The following MOB3B variants were observed in gnomAD, a reference collection of about 807,000 sequenced individuals.
MOB3B encodes MOB kinase activator-like 2B.
In MOB3B, 7 loss-of-function variants were observed where a neutral mutation model predicts 18.7. The ratio of observed to expected loss-of-function variants is 0.37; its 90% CI spans 0.21 to 0.70. MOB3B has a LOEUF of 0.70. Among genes scored for constraint, MOB3B ranks in the 30% least tolerant of loss-of-function variants. The pLI, the probability that MOB3B is intolerant of heterozygous loss-of-function variation, is 0.52. For missense variants in MOB3B, 253 were observed against 281.3 expected, an observed-to-expected ratio of 0.90 and a Z score of 0.72; for synonymous variants, 111 against 99.9, an observed-to-expected ratio of 1.11 and a Z score of -0.66.
rs371836530 is a variant in MOB3B at position 27,412,666 on chromosome 9, T to C, written c.418+42467A>G. 8.9e-4 allele frequency among the ~76,000 whole-genome samples: 135 copies of C among 152,358 alleles called. 2 individuals are homozygous for C. The South Asian group carries it at 0.018, about 21-fold the overall frequency. ...ATAAAAAATAAAGCAAACATTCTTA[T>C]TTCTAGTTAGGAAGAGAAAGAAGAC... On this transcript the variant is annotated intron_variant, in intron 2 of 3. Transcript: ENST00000262244.
intron 2 of MOB3B, chr9:27,378,824 A>C (rs1276338307): frequency 5.3e-6 from 2 of 380,068 alleles, no homozygotes; most frequent in African/African-American, 2.1e-5. Context: ...ATTTGAAAGA[A>C]GGTCATTTGG....
At chr9:27,416,655 C>T (rs1285801456) in intron 2 of MOB3B, among the ~76,000 whole-genome samples, 1 of 150,044 alleles carries the variant, frequency 6.7e-6, no homozygotes, top group Non-Finnish European at 1.5e-5. Flanking sequence ...CTCACCCTCC[C>T]AAGTAGCTAG....
chr9:27,334,019 C>T (rs192328630), intron 3 of MOB3B, among the ~76,000 whole-genome samples: 1 of 152,336 alleles, frequency 6.6e-6, no homozygotes, highest in Admixed American at 6.5e-5. Flanking sequence ...ATGCAATTGT[C>T]AGCTCCTTTC....
intron 1 of MOB3B, among the ~76,000 whole-genome samples, chr9:27,517,753 G>T (rs1820260062): frequency 6.7e-6 from 1 of 148,862 alleles, no homozygotes; most frequent in Admixed American, 6.7e-5. Flanking sequence ...ATGCATATCT[G>T]TTCATTCAAT....
At chr9:27,409,024 G>A (rs535069182) in intron 2 of MOB3B, among the ~76,000 whole-genome samples, 3 of 152,160 alleles carry the variant, frequency 2.0e-5, no homozygotes, top group Non-Finnish European at 4.4e-5. Context: ...AGTACCCTGT[G>A]GGTGGTATTG....
At chr9:27,490,423 T>G (rs1372289912) in intron 1 of MOB3B, among the ~76,000 whole-genome samples, 1 of 152,182 alleles carries the variant, frequency 6.6e-6, no homozygotes, top group Non-Finnish European at 1.5e-5. Flanking sequence ...TCCTTGCAGA[T>G]TAAGAAGCAA....
chr9:27,524,585 CAAG>C, intron 1 of MOB3B: 1 of 1,614,108 alleles, frequency 6.2e-7, no homozygotes, highest in East Asian at 2.2e-5. Context: ...AGAGGGACAT[CAAG>C]AAGGCCTTCT....
In MOB3B at chr9:27,328,537, A is replaced by G. The variant is rs545313959; in HGVS notation, c.*2050T>C. On this transcript the variant is annotated 3_prime_UTR_variant, in exon 4 of 4. Coordinates refer to ENST00000262244, the MANE Select transcript of MOB3B (RefSeq NM_024761.5). Reference sequence around the variant, plus strand: ...TGGAAATTTCATATGCACAGTTAATAAAAAATAACCTTAAAAAGAATGAAT... The same window carrying G: ...TGGAAATTTCATATGCACAGTTAATGAAAAATAACCTTAAAAAGAATGAAT... 6.6e-6 allele frequency: 1 copy of G among 152,352 alleles called. No homozygotes were observed. Among genetic ancestry groups the G allele is most frequent in the South Asian group, 2.1e-4 (1 of 4,822 alleles). The allele number at this position is 152,352 out of a possible 1,614,324, so 9.4% of individuals were successfully genotyped here.
intron 1 of MOB3B, among the ~76,000 whole-genome samples, chr9:27,463,856 T>C (rs1469708052): frequency 6.6e-6 from 1 of 151,908 alleles, no homozygotes; most frequent in East Asian, 1.9e-4. Context: ...CTTGGGAGGC[T>C]GAGGTGGGAG....
At position 27,326,620 on chromosome 9, in the gene MOB3B, G is replaced by C. The variant is rs1820715878; in HGVS notation, c.*3967C>G. ...CAAGGAAGTTACTGGCATGGTTTGA[G>C]AGATAGAAGGAATTGATTAAGAAAC... On this transcript the variant is annotated 3_prime_UTR_variant, in exon 4 of 4. Transcript: ENST00000262244. 1 of 398,474 alleles carries C rather than the reference G, an allele frequency of 2.5e-6. No individual in the cohort carries two copies. The highest frequency in any genetic ancestry group is 4.4e-6 in the Non-Finnish European group (1 of 226,000). 24.7% of individuals were successfully genotyped at this position (398,474 alleles called of 1,614,324 possible). A position where few individuals can be genotyped will look rare whatever the true frequency, so the allele number is the denominator to read the frequency against.
At chr9:27,335,041 G>A (rs900679819) in intron 3 of MOB3B, among the ~76,000 whole-genome samples, 7 of 152,110 alleles carry the variant, frequency 4.6e-5, no homozygotes, top group East Asian at 1.9e-4. Context: ...TCCTGACCTC[G>A]TGATCCGCCT....
intron 2 of MOB3B, among the ~76,000 whole-genome samples, chr9:27,402,331 C>A (rs1002220371): frequency 3.9e-5 from 6 of 152,142 alleles, no homozygotes; most frequent in Non-Finnish European, 7.3e-5. Context: ...TCCATGAGAG[C>A]CTGGACTCGG....
At chr9:27,503,577 C>A (rs1321361060) in intron 1 of MOB3B, among the ~76,000 whole-genome samples, 1 of 152,210 alleles carries the variant, frequency 6.6e-6, no homozygotes, top group Non-Finnish European at 1.5e-5. Context: ...GCATACTCTG[C>A]CCCAGATTCT....
rs192406258 is a variant in MOB3B at position 27,508,494 on chromosome 9, A to G, written c.-199+21061T>C. Among the ~76,000 whole-genome samples, 91 of 152,292 alleles carry G rather than the reference A, an allele frequency of 6.0e-4. No homozygotes were observed. The East Asian group carries it at 0.017, about 28-fold the overall frequency. On this transcript the variant is annotated intron_variant, in intron 1 of 3. Coordinates refer to ENST00000262244, the MANE Select transcript of MOB3B (RefSeq NM_024761.5). The stretch of plus-strand genomic sequence containing the variant: ...GGGAACATGGCTGAAGCACTTCCAG[A>G]AAAAATAAACTCAGGGGGCCTACAT...
rs1820761867 is a variant in MOB3B at position 27,329,839 on chromosome 9, C to T, written c.*748G>A. ...GTGGTTATAAAAAATACATTCTGAT[C>T]AGGTGAACTGGTAACTTGTCAGCTT... On this transcript the variant is annotated 3_prime_UTR_variant, in exon 4 of 4. Transcript: ENST00000262244. The T allele has an allele frequency of 6.6e-6, 1 of 152,604 alleles. No homozygotes were observed. The highest frequency in any genetic ancestry group is 2.1e-4 in the South Asian group (1 of 4,826). The allele number at this position is 152,604 out of a possible 1,614,324, so 9.5% of individuals were successfully genotyped here. A position where few individuals can be genotyped will look rare whatever the true frequency, so the allele number is the denominator to read the frequency against.
At chr9:27,496,539 G>A (rs564476551) in intron 1 of MOB3B, among the ~76,000 whole-genome samples, 2 of 152,264 alleles carry the variant, frequency 1.3e-5, no homozygotes, top group South Asian at 4.1e-4. Flanking sequence ...TAGTTCTACA[G>A]CCTAAATATT....
At chr9:27,446,760 G>A (rs1048233106) in intron 2 of MOB3B, among the ~76,000 whole-genome samples, 1 of 152,092 alleles carries the variant, frequency 6.6e-6, no homozygotes, top group Admixed American at 6.6e-5. Context: ...CATGAAGCAG[G>A]TACCTGTATA....
chr9:27,431,561 G>A (rs1708995178), intron 2 of MOB3B, among the ~76,000 whole-genome samples: 1 of 152,172 alleles, frequency 6.6e-6, no homozygotes, highest in Non-Finnish European at 1.5e-5. Flanking sequence ...ATAACATGAG[G>A]ACCAGTGATG....
intron 1 of MOB3B, among the ~76,000 whole-genome samples, chr9:27,485,249 C>G (rs1335477586): frequency 6.6e-6 from 1 of 152,160 alleles, no homozygotes; most frequent in Non-Finnish European, 1.5e-5. Context: ...GATAAAGAAG[C>G]TGAGAAAGGT....
Sources: gnomAD v4.1 joint callset for allele counts (sites outside exome capture counted in the v4.1 genomes callset) on GRCh38, gnomAD v4.1.1 for gene constraint, MANE v1.5 for transcripts, NCBI Gene and HGNC (gene_info 2026-07-23, HGNC 2026-07-21) for gene names.